SLC66A2: variants seen among roughly 807,000 people sequenced by gnomAD.
SLC66A2 encodes the protein PQ loop repeat containing 1.
SLC66A2 carries 23 observed loss-of-function variants against 25.5 expected under a neutral mutation model. The ratio of observed to expected loss-of-function variants is 0.90; its 90% CI spans 0.65 to 1.28. The LOEUF is 1.28. Among genes scored for constraint, SLC66A2 ranks in the 50% most tolerant of loss-of-function variants. The probability of loss-of-function intolerance (pLI) is 0.00; values close to 1 mark genes in which losing one functional copy is unlikely to be tolerated. For missense variants in SLC66A2, 396 were observed against 373.1 expected (o/e 1.06, Z -0.51); for synonymous variants, 193 against 166.5 (o/e 1.16, Z -1.23).
At chr18:79,938,890 A>C (rs1347646600) in intron 3 of SLC66A2, among the ~76,000 whole-genome samples, 1 of 152,056 alleles carries the variant, frequency 6.6e-6, no homozygotes, top group African/African-American at 2.4e-5. Flanking sequence ...GTTGGCCAGG[A>C]TGGTCTCGAA....
rs952137736 is a variant in SLC66A2 at position 79,937,520 on chromosome 18, A to T, written c.338-3498T>A. Reference sequence around the variant, plus strand: ...GACCCGCATTTCCTTTATAAATTACACCTGTGGATAGCTGAACAATGGGTA... The same window carrying T: ...GACCCGCATTTCCTTTATAAATTACTCCTGTGGATAGCTGAACAATGGGTA... On this transcript the variant is annotated intron_variant, in intron 3 of 5. Transcript: ENST00000397778. This position sits in a 1 kb window ranked among gnomAD's most constrained non-coding sequence, Gnocchi z 5.4. Among the ~76,000 whole-genome samples the T allele has an allele frequency of 1.3e-5, 2 of 152,060 alleles. No individual in the cohort carries two copies.
At position 79,932,475 on chromosome 18, in the gene SLC66A2, AAAAGAAAG is replaced by A. The variant is rs34267076; in HGVS notation, c.391+1486_391+1493del. On this transcript the variant is annotated intron_variant, in intron 4 of 5. Transcript: ENST00000397778. Reference sequence around the variant, plus strand: ...GGCAATGTGGATGTGTTGTGTTAAAAAAAGAAAGAAAGAAAGAAAGAAAAGAAAAAGAA... The same window carrying A: ...GGCAATGTGGATGTGTTGTGTTAAAAAAAGAAAGAAAGAAAAGAAAAAGAA... Among the ~76,000 whole-genome samples the A allele has an allele frequency of 5.3e-5, 8 of 151,720 alleles. No homozygotes were observed. The East Asian group carries it at 5.8e-4, about 11-fold the overall frequency.
chr18:79,946,736 G>A (rs2050937994), intron 2 of SLC66A2, among the ~76,000 whole-genome samples: 1 of 152,240 alleles, frequency 6.6e-6, no homozygotes, highest in Non-Finnish European at 1.5e-5. Context: ...GGGAGGCCAA[G>A]GCAGGTGGAT....
intron 5 of SLC66A2, among the ~76,000 whole-genome samples, chr18:79,916,708 G>C (rs1312846432): frequency 6.6e-6 from 1 of 152,246 alleles, no homozygotes; most frequent in Non-Finnish European, 1.5e-5. Flanking sequence ...ACGAGACCGA[G>C]CTCCTGCCTG....
At position 79,940,192 on chromosome 18, in the gene SLC66A2, GAC is replaced by G. The variant is rs1987528570; in HGVS notation, c.337+3135_337+3136del. ...GGGAGCTAAATGATGAGAACACATGGACACACAGAGGGGAACAACAGCCACTA... is the reference window on the plus strand; with the variant it reads ...GGGAGCTAAATGATGAGAACACATGGACACAGAGGGGAACAACAGCCACTA... On this transcript the variant is annotated intron_variant, in intron 3 of 5. Coordinates refer to ENST00000397778, the MANE Select transcript of SLC66A2 (RefSeq NM_025078.5). This position sits in a 1 kb window ranked among gnomAD's most constrained non-coding sequence, Gnocchi z 4.1. Among the ~76,000 whole-genome samples the G allele has an allele frequency of 6.6e-6, 1 of 152,138 alleles. No homozygotes were observed. The highest frequency in any genetic ancestry group is 6.5e-5 in the Admixed American group (1 of 15,280).
At chr18:79,930,378 G>A (rs915998971) in intron 4 of SLC66A2, 1 of 151,910 alleles carries the variant, frequency 6.6e-6, no homozygotes, top group African/African-American at 2.4e-5. Context: ...AAAAAATAAG[G>A]GGAAAACAAA....
At chr18:79,934,162 A>C in intron 3 of SLC66A2, 140 bp from the exon 4 acceptor site, 14 of 740,760 alleles carry the variant, frequency 1.9e-5, no homozygotes, top group Non-Finnish European at 2.9e-5. Flanking sequence ...TAGAAAGATC[A>C]CAAGATTTTG....
At chr18:79,914,118 C>A (rs1282283590) in intron 5 of SLC66A2, among the ~76,000 whole-genome samples, 1 of 152,214 alleles carries the variant, frequency 6.6e-6, no homozygotes, top group Non-Finnish European at 1.5e-5. Flanking sequence ...CTTGGCCAGG[C>A]TGGTCTTGAA....
At chr18:79,916,182 TCCCATACCCAC>T (rs1460986667) in intron 5 of SLC66A2, among the ~76,000 whole-genome samples, 70 of 43,454 alleles carry the variant, frequency 1.6e-3, no homozygotes, top group African/African-American at 3.6e-3. Context: ...TCCCGTACCC[TCCCATACCCAC>T]GGTGCTCCCG....
At chr18:79,928,489 C>CCT (rs1265630539) in intron 4 of SLC66A2, among the ~76,000 whole-genome samples, 2 of 152,182 alleles carry the variant, frequency 1.3e-5, no homozygotes, top group Non-Finnish European at 2.9e-5. Flanking sequence ...CTCCACAGAC[C>CCT]CTCTCCAGCA....
rs1406014677 is a variant in SLC66A2 at position 79,937,121 on chromosome 18, A to G, written c.338-3099T>C. Among the ~76,000 whole-genome samples the G allele has an allele frequency of 6.6e-6, 1 of 152,142 alleles. No individual in the cohort carries two copies. The highest frequency in any genetic ancestry group is 6.5e-5 in the Admixed American group (1 of 15,284). ...CAAAAAAAACTCCCTAGCTCCATCCACTGAAAAAGCCAAAAAATCAACCTG... is the reference window on the plus strand; with the variant it reads ...CAAAAAAAACTCCCTAGCTCCATCCGCTGAAAAAGCCAAAAAATCAACCTG... On this transcript the variant is annotated intron_variant, in intron 3 of 5. Transcript: ENST00000397778. The surrounding 1 kb of genome is among the most constrained non-coding windows in gnomAD (Gnocchi z 5.4).
At chr18:79,935,351 C>T (rs912940709) in intron 3 of SLC66A2, 1 of 152,306 alleles carries the variant, frequency 6.6e-6, no homozygotes, top group African/African-American at 2.4e-5. Flanking sequence ...GCAGTGTGAT[C>T]AGATCCACGT....
At chr18:79,930,467 A>C (rs1986454725) in intron 4 of SLC66A2, among the ~76,000 whole-genome samples, 1 of 152,196 alleles carries the variant, frequency 6.6e-6, no homozygotes, top group Non-Finnish European at 1.5e-5. Context: ...TCATGCTGAA[A>C]ACAAGAAACA....
At chr18:79,913,428 T>C (rs908693843) in intron 5 of SLC66A2, among the ~76,000 whole-genome samples, 12 of 152,224 alleles carry the variant, frequency 7.9e-5, no homozygotes, top group Admixed American at 7.9e-4. Context: ...AAATCCGCCC[T>C]TCGGAGCCTG....
Position 79,903,123 on chromosome 18 carries a change from C to G in SLC66A2, c.*853G>C, listed in dbSNP as rs1268188525. On this transcript the variant is annotated 3_prime_UTR_variant, in exon 6 of 6. Transcript: ENST00000397778. ...TGCATCCGGAGGTGCAGTCTGCACC[C>G]AGAAGGAAGGGGATCTCCGCCAGCA... is the stretch of plus-strand genomic sequence containing the variant. 6.6e-6 allele frequency: 1 copy of G among 152,392 alleles called. No individual in the cohort carries two copies. The highest frequency in any genetic ancestry group is 2.4e-5 in the African/African-American group (1 of 41,468). The allele number at this position is 152,392 out of a possible 1,614,324, so 9.4% of individuals were successfully genotyped here. A position where few individuals can be genotyped will look rare whatever the true frequency, so the allele number is the denominator to read the frequency against.
chr18:79,912,646 C>T (rs561965725), intron 5 of SLC66A2, among the ~76,000 whole-genome samples: 1 of 152,222 alleles, frequency 6.6e-6, no homozygotes, highest in Admixed American at 6.5e-5. Flanking sequence ...GTGGGAATGA[C>T]TGCCAGTGGC....
chr18:79,926,660 C>CTT (rs5826681), intron 4 of SLC66A2, among the ~76,000 whole-genome samples: 38 of 147,450 alleles, frequency 2.6e-4, no homozygotes, highest in South Asian at 4.3e-4. Flanking sequence ...GGAAATTGCT[C>CTT]TTTTTTTTTT....
intron 5 of SLC66A2, among the ~76,000 whole-genome samples, chr18:79,907,469 A>G (rs931761166): frequency 2.7e-5 from 4 of 150,144 alleles, no homozygotes; most frequent in Non-Finnish European, 5.9e-5. Flanking sequence ...CTTCTGCCTC[A>G]GTCTCCCAAG....
chr18:79,906,373 A>G (rs1982130674), intron 5 of SLC66A2, among the ~76,000 whole-genome samples: 1 of 152,220 alleles, frequency 6.6e-6, no homozygotes, highest in Non-Finnish European at 1.5e-5. Context: ...TTAATACTAC[A>G]CATTTAACTC....
Sources: gnomAD v4.1 joint callset for allele counts (sites outside exome capture counted in the v4.1 genomes callset) on GRCh38, gnomAD v4.1.1 for gene constraint, Gnocchi (gnomAD v3.1) non-coding constraint, MANE v1.5 for transcripts, NCBI Gene and HGNC (gene_info 2026-07-23, HGNC 2026-07-21) for gene names.